The following USP3 variants were observed in gnomAD, a reference collection of about 807,000 sequenced individuals.
USP3 encodes ubiquitin carboxyl-terminal hydrolase 3.
In USP3, 20 loss-of-function variants were observed where a neutral mutation model predicts 72.3. That is an observed-to-expected ratio of 0.28 (90% confidence interval 0.19 to 0.40). The LOEUF is 0.40. Among genes scored for constraint, USP3 ranks in the 10% least tolerant of loss-of-function variants. The pLI, the probability that USP3 is intolerant of heterozygous loss-of-function variation, is 1.00. For synonymous variants in USP3, 222 were observed against 225.3 expected (o/e 0.99, Z 0.13); for missense variants, 479 against 633.9 (o/e 0.76, Z 2.62).
chr15:63,561,433 T>C (rs947788273), intron 7 of USP3, among the ~76,000 whole-genome samples: 3 of 152,180 alleles, frequency 2.0e-5, no homozygotes, highest in Admixed American at 2.0e-4. Context: ...CCCACAGAAC[T>C]GTCCTGTAAG....
chr15:63,567,728 G>A (rs779422331), intron 8 of USP3, among the ~76,000 whole-genome samples: 5 of 152,174 alleles, frequency 3.3e-5, no homozygotes, highest in Non-Finnish European at 7.3e-5. Flanking sequence ...TGATCCGTCT[G>A]CCTCAGCCTC....
At chr15:63,510,708 T>C (rs1047571669) in intron 1 of USP3, among the ~76,000 whole-genome samples, 2 of 152,126 alleles carry the variant, frequency 1.3e-5, no homozygotes, top group Non-Finnish European at 2.9e-5. Flanking sequence ...GTGATTAAGC[T>C]TACCTTGATT....
Position 63,553,780 on chromosome 15 carries a change from A to G in USP3, c.350A>G (p.His117Arg). The G allele has an allele frequency of 2.5e-6, 4 of 1,612,918 alleles. No homozygotes were observed. The highest frequency in any genetic ancestry group is 1.1e-5 in the South Asian group (1 of 90,948). ...KLGLVQKVRE[H>R]LQNLENSAFT... is the part of the protein sequence containing the mutation. ...GGACTGGTACAGAAAGTCAGAGAAC[A>G]CTTACAGAACTTGGAAAAGTAAGTA... is the stretch of plus-strand genomic sequence containing the variant. The change falls in exon 4 of 15, where the codon CAC becomes CGC. Residue 117 changes from histidine to arginine, a missense_variant. Physicochemically the swap from His to Arg is conservative, Grantham distance 29. Transcript: ENST00000380324. This position sits in a 1 kb window ranked among gnomAD's most constrained non-coding sequence, Gnocchi z 4.2.
At chr15:63,530,715 G>T in intron 1 of USP3, 1 of 346,320 alleles carries the variant, frequency 2.9e-6, no homozygotes, top group Non-Finnish European at 5.6e-6. Context: ...ATGAATAGCT[G>T]TTCAAGTAAG....
intron 1 of USP3, among the ~76,000 whole-genome samples, chr15:63,516,256 G>T (rs1283392287): frequency 6.6e-6 from 1 of 152,132 alleles, no homozygotes; most frequent in African/African-American, 2.4e-5. Context: ...TAATCTCCAA[G>T]CACTAACTCT....
At chr15:63,546,810 A>G (rs1475340840) in intron 3 of USP3, among the ~76,000 whole-genome samples, 3 of 152,116 alleles carry the variant, frequency 2.0e-5, no homozygotes, top group African/African-American at 7.2e-5. Flanking sequence ...GGGTTTCACC[A>G]TGTTAGCCAG....
In USP3 at chr15:63,568,870, G is replaced by A. The variant is rs541731465; in HGVS notation, c.762-1563G>A. 4.9e-4 allele frequency among the ~76,000 whole-genome samples: 75 copies of A among 152,264 alleles called. No homozygotes were observed. The Middle Eastern group carries it at 0.01, about 21-fold the overall frequency. ...GCTGAGTGTTCCGTGATCTCATGTA[G>A]TTTAAAGAAGATGTGTTTGTAATGG... On this transcript the variant is annotated intron_variant, in intron 8 of 14. Transcript: ENST00000380324.
At chr15:63,543,810 G>A (rs1431017557) in intron 3 of USP3, among the ~76,000 whole-genome samples, 1 of 152,176 alleles carries the variant, frequency 6.6e-6, no homozygotes, top group Non-Finnish European at 1.5e-5. Flanking sequence ...AATAAGACCT[G>A]ATAAGTTGGA....
At position 63,528,463 on chromosome 15, in the gene USP3, C is replaced by A. The variant is rs1378658876; in HGVS notation, c.92-4184C>A. Among the ~76,000 whole-genome samples, 1 of 150,684 alleles carries A rather than the reference C, an allele frequency of 6.6e-6. No homozygotes were observed. The highest frequency in any genetic ancestry group is 1.5e-5 in the Non-Finnish European group (1 of 68,018). On this transcript the variant is annotated intron_variant, in intron 1 of 14. Transcript: ENST00000380324. The surrounding 1 kb of genome is among the most constrained non-coding windows in gnomAD (Gnocchi z 4.3). Reference sequence around the variant, plus strand: ...TATCACCCTTTCTCTCATGTACCAGCATTTAAGACTAAAAAAATAAACACT... The same window carrying A: ...TATCACCCTTTCTCTCATGTACCAGAATTTAAGACTAAAAAAATAAACACT...
chr15:63,546,261 T>C (rs1479834816), intron 3 of USP3, among the ~76,000 whole-genome samples: 1 of 152,138 alleles, frequency 6.6e-6, no homozygotes, highest in Non-Finnish European at 1.5e-5. Flanking sequence ...AAATCGAGCT[T>C]TTTCAAATAC....
At position 63,590,831 on chromosome 15, in the gene USP3, T is replaced by G. The variant is rs2067184658; in HGVS notation, c.*5T>G. 1 of 1,603,580 alleles carries G rather than the reference T, an allele frequency of 6.2e-7. No individual in the cohort carries two copies. The highest frequency in any genetic ancestry group is 1.3e-5 in the African/African-American group (1 of 74,450). ...GCTGGATCGGATAAACTTTAATACC[T>G]CCTCCAAATCATCATTCACCAACCA... On this transcript the variant is annotated 3_prime_UTR_variant, in exon 15 of 15. Transcript: ENST00000380324.
chr15:63,506,875 A>G (rs1371806543), intron 1 of USP3, among the ~76,000 whole-genome samples: 1 of 152,176 alleles, frequency 6.6e-6, no homozygotes, highest in Non-Finnish European at 1.5e-5. Context: ...ACTTTGTGTG[A>G]GTCCACACTC....
rs549170467 is a variant in USP3 at position 63,504,729 on chromosome 15, T to C, written c.-11T>C. ...GGAGCCGCAGTCCTCCCAGCTGCCC[T>C]CCTCGTGGCCATGGAGTGTCCACAC... On this transcript the variant is annotated 5_prime_UTR_variant, in exon 1 of 15. Coordinates refer to ENST00000380324, the MANE Select transcript of USP3 (RefSeq NM_006537.4). The C allele has an allele frequency of 8.8e-6, 14 of 1,599,442 alleles. No individual in the cohort carries two copies. In the East Asian group the frequency reaches 3.0e-4, roughly 34 times the overall value.
At chr15:63,552,155 C>T (rs28545623) in intron 3 of USP3, among the ~76,000 whole-genome samples, 72 of 152,058 alleles carry the variant, frequency 4.7e-4, no homozygotes, top group African/African-American at 1.6e-3. Flanking sequence ...GCTAGCATTT[C>T]GAGTTTTGGA....
intron 1 of USP3, among the ~76,000 whole-genome samples, chr15:63,510,577 T>C (rs1306479448): frequency 1.3e-5 from 2 of 152,220 alleles, no homozygotes; most frequent in Non-Finnish European, 2.9e-5. Flanking sequence ...TCATTGCCTC[T>C]TTAGACAGGA....
intron 7 of USP3, among the ~76,000 whole-genome samples, chr15:63,560,220 A>G (rs2066584360): frequency 1.3e-5 from 2 of 152,144 alleles, no homozygotes; most frequent in Non-Finnish European, 2.9e-5. Flanking sequence ...AGTCAAGACC[A>G]GCCTGGTCAA....
intron 3 of USP3, among the ~76,000 whole-genome samples, 180 bp downstream of exon 3, chr15:63,537,336 T>G (rs1034804010): frequency 3.9e-5 from 6 of 152,206 alleles, no homozygotes; most frequent in Admixed American, 6.5e-5. Context: ...GATTTTACTT[T>G]GCATTGTTCC....
intron 1 of USP3, among the ~76,000 whole-genome samples, chr15:63,513,094 T>A (rs1256848391): frequency 6.6e-6 from 1 of 152,228 alleles, no homozygotes; most frequent in African/African-American, 2.4e-5. Flanking sequence ...GTGAGCTGTT[T>A]CCATTCTTGA....
intron 1 of USP3, among the ~76,000 whole-genome samples, chr15:63,513,014 G>A (rs1354568143): frequency 6.6e-6 from 1 of 152,216 alleles, no homozygotes; most frequent in African/African-American, 2.4e-5. Context: ...TTATATCAAA[G>A]ATATTGTAAC....
Sources: gnomAD v4.1 joint callset for allele counts (sites outside exome capture counted in the v4.1 genomes callset) on GRCh38, gnomAD v4.1.1 for gene constraint, Gnocchi (gnomAD v3.1) non-coding constraint, MANE v1.5 for transcripts, NCBI Gene and HGNC (gene_info 2026-07-23, HGNC 2026-07-21) for gene names.